LNX1: variants seen among roughly 807,000 people sequenced by gnomAD.
LNX1 encodes the protein E3 ubiquitin-protein ligase LNX.
Under a neutral mutation model 68.4 loss-of-function variants are expected in LNX1, and 54 were observed. The ratio of observed to expected loss-of-function variants is 0.79; its 90% CI spans 0.63 to 0.99. LNX1 has a LOEUF of 0.99. Ranked by LOEUF, LNX1 falls within the 50% of genes least tolerant of loss-of-function variation. LNX1 has a pLI of 0.00. For synonymous variants in LNX1, 336 were observed against 350.0 expected, an observed-to-expected ratio of 0.96 and a Z score of 0.45; for missense variants, 906 against 926.4, an observed-to-expected ratio of 0.98 and a Z score of 0.29.
At chr4:53,472,689 AAAAAAAAAAAC>A (rs1057208083) in intron 9 of LNX1, among the ~76,000 whole-genome samples, 8 of 137,144 alleles carry the variant, frequency 5.8e-5, no homozygotes, top group African/African-American at 2.1e-4. Flanking sequence ...CAACAACAAA[AAAAAAAAAAAC>A]AAAAAACAAT....
At chr4:53,569,562 A>T (rs1342163921) in intron 2 of LNX1, among the ~76,000 whole-genome samples, 1 of 145,600 alleles carries the variant, frequency 6.9e-6, no homozygotes, top group East Asian at 2.0e-4. Context: ...TAAAAACCCT[A>T]GAAGAAAACC....
chr4:53,642,677 C>A (rs372142632), intron 1 of LNX1, among the ~76,000 whole-genome samples: 2 of 152,286 alleles, frequency 1.3e-5, no homozygotes, highest in African/African-American at 4.8e-5. Flanking sequence ...CAAACACTGG[C>A]CTTTTGGAGA....
At chr4:53,564,052 G>T (rs545552763) in intron 2 of LNX1, among the ~76,000 whole-genome samples, 1 of 152,226 alleles carries the variant, frequency 6.6e-6, no homozygotes, top group Admixed American at 6.5e-5. Context: ...TGCTGTGGGC[G>T]CCTGTGAAGG....
chr4:53,587,639 T>C (rs1732257584), intron 1 of LNX1, among the ~76,000 whole-genome samples: 1 of 152,102 alleles, frequency 6.6e-6, no homozygotes, highest in African/African-American at 2.4e-5. Context: ...GTCAAGATCG[T>C]ATCCTGGTCA....
At chr4:53,495,920 C>T (rs568959251) in intron 6 of LNX1, 103 bp downstream of exon 6, 8 of 1,356,696 alleles carry the variant, frequency 5.9e-6, no homozygotes, top group Non-Finnish European at 8.1e-6. Flanking sequence ...GGAGGCACTG[C>T]ATGACACATG....
chr4:53,541,123 C>T (rs550604094), intron 2 of LNX1, among the ~76,000 whole-genome samples: 4 of 131,740 alleles, frequency 3.0e-5, no homozygotes, highest in African/African-American at 8.5e-5. Context: ...GGTGACAGAG[C>T]GAGACTCTAA....
intron 2 of LNX1, 75 bp downstream of exon 2, chr4:53,573,548 G>A: frequency 1.0e-6 from 1 of 976,558 alleles, no homozygotes; most frequent in African/African-American, 1.6e-5. Flanking sequence ...GAAGCCCTCA[G>A]GAGACTGGGG....
intron 4 of LNX1, among the ~76,000 whole-genome samples, chr4:53,499,245 G>A (rs1310503007): frequency 6.6e-6 from 1 of 151,938 alleles, no homozygotes; most frequent in Non-Finnish European, 1.5e-5. Context: ...TACAACCTCC[G>A]CCTCCTGAGC....
chr4:53,470,575 G>A (rs1380438219), intron 9 of LNX1, among the ~76,000 whole-genome samples: 2 of 152,180 alleles, frequency 1.3e-5, no homozygotes, highest in Non-Finnish European at 2.9e-5. Context: ...TGACATGACT[G>A]AATATCTAGA....
chr4:53,537,530 T>C (rs1728456351), intron 2 of LNX1, among the ~76,000 whole-genome samples: 1 of 152,236 alleles, frequency 6.6e-6, no homozygotes, highest in Non-Finnish European at 1.5e-5. Flanking sequence ...TTTCAAAGGA[T>C]CAGAAAATGG....
At chr4:53,638,123 G>T (rs1356681698) in intron 1 of LNX1, among the ~76,000 whole-genome samples, 1 of 152,060 alleles carries the variant, frequency 6.6e-6, no homozygotes, top group African/African-American at 2.4e-5. Flanking sequence ...TACAATATAG[G>T]TACAGATCTT....
chr4:53,599,924 C>A (rs1175536820), intron 2 of LNX1, among the ~76,000 whole-genome samples: 3 of 152,166 alleles, frequency 2.0e-5, no homozygotes, highest in Non-Finnish European at 4.4e-5. Flanking sequence ...GCTGGCATTG[C>A]ACCTTGGGAA....
intron 9 of LNX1, among the ~76,000 whole-genome samples, chr4:53,462,214 A>C (rs930147907): frequency 7.2e-5 from 11 of 152,134 alleles, no homozygotes; most frequent in Non-Finnish European, 1.3e-4. Flanking sequence ...GAAACTGGAT[A>C]GGAAGTTATA....
chr4:53,634,010 T>C (rs1336013097), intron 1 of LNX1, among the ~76,000 whole-genome samples: 1 of 152,186 alleles, frequency 6.6e-6, no homozygotes, highest in Non-Finnish European at 1.5e-5. Context: ...TTGTTACTAA[T>C]ATTCTTGTTA....
At chr4:53,633,154 A>T (rs1734337872) in intron 1 of LNX1, among the ~76,000 whole-genome samples, 1 of 152,208 alleles carries the variant, frequency 6.6e-6, no homozygotes, top group Non-Finnish European at 1.5e-5. Flanking sequence ...ATAATGCAGG[A>T]TGGCCACACA....
chr4:53,592,100 G>A (rs1272019883), upstream of LNX1, among the ~76,000 whole-genome samples: 1 of 148,886 alleles, frequency 6.7e-6, no homozygotes, highest in African/African-American at 2.5e-5. Context: ...CCCCCGCCCA[G>A]CATTTTTAAT....
intron 6 of LNX1, among the ~76,000 whole-genome samples, chr4:53,492,798 G>A (rs1724793719): frequency 2.6e-5 from 4 of 152,042 alleles, no homozygotes; most frequent in Admixed American, 6.5e-5. Context: ...TTGGGCAAGG[G>A]GTGGAATGGG....
chr4:53,472,117 G>A (rs1193982699), intron 9 of LNX1, among the ~76,000 whole-genome samples: 1 of 152,172 alleles, frequency 6.6e-6, no homozygotes, highest in Non-Finnish European at 1.5e-5. Flanking sequence ...ACTGGATTAA[G>A]AAAACGTGGT....
intron 2 of LNX1, among the ~76,000 whole-genome samples, chr4:53,611,953 C>T (rs1353573872): frequency 6.6e-6 from 1 of 151,942 alleles, no homozygotes; most frequent in Non-Finnish European, 1.5e-5. Flanking sequence ...TGCAGTAGAC[C>T]ATGGTAGATT....
Sources: allele counts gnomAD v4.1 joint callset (sites outside exome capture counted in the v4.1 genomes callset), GRCh38; gene constraint gnomAD v4.1.1; transcripts MANE v1.5; gene names NCBI Gene and HGNC (gene_info 2026-07-23, HGNC 2026-07-21).